Variants in SHC2 observed in about 807,000 individuals in gnomAD.
SHC2 encodes the protein SHC adaptor protein 2.
SHC2 carries 62 observed loss-of-function variants against 60.6 expected under a neutral mutation model. The ratio of observed to expected loss-of-function variants is 1.02; its 90% CI spans 0.83 to 1.26. The LOEUF (loss-of-function observed/expected upper bound fraction) is 1.26, where lower values mean the gene tolerates loss of function less well. Ranked by LOEUF, SHC2 falls within the 50% of genes most tolerant of loss-of-function variation. The probability of loss-of-function intolerance (pLI) is 0.00; values close to 1 mark genes in which losing one functional copy is unlikely to be tolerated. For synonymous variants in SHC2, 375 were observed against 372.4 expected (o/e 1.01, Z -0.08); for missense variants, 873 against 822.2 (o/e 1.06, Z -0.76).
chr19:460,960 G>C lies in SHC2; in HGVS notation c.37C>G (p.Pro13Ala). Residue 13 changes from proline to alanine, a missense_variant, in exon 1 of 13, where the codon CCC becomes GCC. By Grantham distance (27) the Pro-to-Ala change is conservative. Transcript: ENST00000264554. Reference protein sequence around the residue: ...QGPGGRAPPAPPAPPEPEAPT... With the variant: ...QGPGGRAPPAAPAPPEPEAPT... Reference sequence around the variant, plus strand: ...GCCTCGGGCTCGGGGGGCGCGGGGGGCGCCGGGGGCGCGCGCCCGCCCGGA... The same window carrying C: ...GCCTCGGGCTCGGGGGGCGCGGGGGCCGCCGGGGGCGCGCGCCCGCCCGGA... 4 of 984,462 alleles carry C rather than the reference G, an allele frequency of 4.1e-6. No homozygotes were observed. The South Asian group carries it at 1.4e-4, about 33-fold the overall frequency. 61.0% of individuals were successfully genotyped at this position (984,462 alleles called of 1,614,324 possible).
intron 12 of SHC2, among the ~76,000 whole-genome samples, chr19:418,134 G>A (rs918835247): frequency 2.6e-5 from 4 of 152,114 alleles, no homozygotes; most frequent in Non-Finnish European, 4.4e-5. Flanking sequence ...CCCGGGCCCC[G>A]CACCAAAAGT....
Position 425,204 on chromosome 19 carries a change from G to A in SHC2, c.1202C>T (p.Ala401Val), listed in dbSNP as rs773864356. 6 of 1,340,188 alleles carry A rather than the reference G, an allele frequency of 4.5e-6. No homozygotes were observed. The highest frequency in any genetic ancestry group is 5.6e-5 in the East Asian group (2 of 35,832). 83.0% of individuals were successfully genotyped at this position (1,340,188 alleles called of 1,614,324 possible). ...TAPPGDGYVQ[A>V]DARGPPDHEE... Reference sequence around the variant, plus strand: ...GTGGTCCGGGGGGCCCCGGGCGTCCGCCTGCACGTAGCCGTCCCCCGGTGG... The same window carrying A: ...GTGGTCCGGGGGGCCCCGGGCGTCCACCTGCACGTAGCCGTCCCCCGGTGG... The change falls in exon 10 of 13, where the codon GCG becomes GTG. Residue 401 changes from alanine to valine, a missense_variant. Transcript: ENST00000264554. The surrounding 1 kb of genome is among the most constrained non-coding windows in gnomAD (Gnocchi z 4.1).
rs527854558 is a variant in SHC2 at position 429,893 on chromosome 19, G to A, written c.1174+791C>T. Among the ~76,000 whole-genome samples the A allele has an allele frequency of 1.4e-3, 177 of 129,650 alleles. 3 individuals are homozygous for A. Among genetic ancestry groups the A allele is most frequent in the African/African-American group, 5.1e-3 (170 of 33,374 alleles). 85.1% of individuals were successfully genotyped at this position (129,650 alleles called of 152,430 possible). ...GGATGACGCAGTACCTATATCCAACGTGCAGAGAAACCTAATACCGTGTGG... is the reference window on the plus strand; with the variant it reads ...GGATGACGCAGTACCTATATCCAACATGCAGAGAAACCTAATACCGTGTGG... On this transcript the variant is annotated intron_variant, in intron 9 of 12. Coordinates refer to ENST00000264554, the MANE Select transcript of SHC2 (RefSeq NM_012435.3).
intron 1 of SHC2, among the ~76,000 whole-genome samples, chr19:459,871 C>T (rs1043269979): frequency 6.6e-6 from 1 of 152,190 alleles, no homozygotes; most frequent in East Asian, 1.9e-4. Flanking sequence ...GGCGCTGTCA[C>T]CCCTGCAGGT....
In SHC2 at chr19:424,715, G is replaced by C. The variant is rs1006430412; in HGVS notation, c.1309+382C>G. 3.3e-5 allele frequency among the ~76,000 whole-genome samples: 5 copies of C among 152,180 alleles called. No individual in the cohort carries two copies. The highest frequency in any genetic ancestry group is 5.9e-5 in the Non-Finnish European group (4 of 68,020). Reference sequence around the variant, plus strand: ...GGTGGGTTACCCCCGAGAGAGTGGAGCTTCTCACAGAGCGGGGGCCAGCGG... The same window carrying C: ...GGTGGGTTACCCCCGAGAGAGTGGACCTTCTCACAGAGCGGGGGCCAGCGG... On this transcript the variant is annotated intron_variant, in intron 10 of 12. Coordinates refer to ENST00000264554, the MANE Select transcript of SHC2 (RefSeq NM_012435.3). The surrounding 1 kb of genome is among the most constrained non-coding windows in gnomAD (Gnocchi z 4.5).
At position 421,080 on chromosome 19, in the gene SHC2, A is replaced by G. The variant is rs963287940; in HGVS notation, c.1620+1066T>C. On this transcript the variant is annotated intron_variant, in intron 11 of 12. Transcript: ENST00000264554. ...AAAGAAAGGAAAGGAAGAAAAGAAG[A>G]AAGAAAAGAGAGAGAGAGAAAAGAG... 2.7e-5 allele frequency among the ~76,000 whole-genome samples: 4 copies of G among 147,426 alleles called. No individual in the cohort carries two copies. In the Admixed American group the frequency reaches 2.7e-4, roughly 10 times the overall value.
chr19:451,636 C>T (rs1284473175), intron 1 of SHC2, among the ~76,000 whole-genome samples: 2 of 152,170 alleles, frequency 1.3e-5, no homozygotes, highest in South Asian at 2.1e-4. Flanking sequence ...CTCACTCTGT[C>T]GCCCAGGCTG....
At chr19:426,046 A>C (rs1214340056) in intron 9 of SHC2, among the ~76,000 whole-genome samples, 1 of 151,224 alleles carries the variant, frequency 6.6e-6, no homozygotes, top group East Asian at 1.9e-4. Flanking sequence ...AAAAAAAAAA[A>C]ACTATCCACA....
intron 1 of SHC2, among the ~76,000 whole-genome samples, chr19:452,645 G>T (rs1252938932): frequency 6.6e-6 from 1 of 152,188 alleles, no homozygotes; most frequent in Non-Finnish European, 1.5e-5. Flanking sequence ...TGCGTAGGTG[G>T]GTGTTACAGG....
chr19:453,706 C>T lies in SHC2; in HGVS notation c.468+6823G>A, dbSNP rs1488542078. The stretch of plus-strand genomic sequence containing the variant: ...TCTCCAGCACCCTCTCACAACTCCC[C>T]GCACCTCCCAGCTTAAGGGACCCGC... On this transcript the variant is annotated intron_variant, in intron 1 of 12. Transcript: ENST00000264554. This position sits in a 1 kb window ranked among gnomAD's most constrained non-coding sequence, Gnocchi z 6.3. Among the ~76,000 whole-genome samples the T allele has an allele frequency of 1.3e-5, 2 of 152,152 alleles. No homozygotes were observed. Among genetic ancestry groups the T allele is most frequent in the Admixed American group, 6.6e-5 (1 of 15,256 alleles).
Position 424,143 on chromosome 19 carries a change from C to G in SHC2, c.1309+954G>C, listed in dbSNP as rs1036953152. 7.2e-5 allele frequency among the ~76,000 whole-genome samples: 11 copies of G among 152,230 alleles called. No homozygotes were observed. Among genetic ancestry groups the G allele is most frequent in the African/African-American group, 2.7e-4 (11 of 41,456 alleles). On this transcript the variant is annotated intron_variant, in intron 10 of 12. Transcript: ENST00000264554. The surrounding 1 kb of genome is among the most constrained non-coding windows in gnomAD (Gnocchi z 4.5). ...ACCCGGCAGCTCAGAGCCAACACCTCTCCGTGCTGGAGAAGGGCAGAGTCG... is the reference window on the plus strand; with the variant it reads ...ACCCGGCAGCTCAGAGCCAACACCTGTCCGTGCTGGAGAAGGGCAGAGTCG...
rs1384400556 is a variant in SHC2, at chr19:422,550, C to T, written c.1310-94G>A. 3.8e-6 allele frequency: 4 copies of T among 1,044,090 alleles called. No homozygotes were observed. The highest frequency in any genetic ancestry group is 2.6e-5 in the East Asian group (1 of 38,192). 64.7% of individuals were successfully genotyped at this position (1,044,090 alleles called of 1,614,324 possible). A position where few individuals can be genotyped will look rare whatever the true frequency, so the allele number is the denominator to read the frequency against. ...GGGAGAAACGGGTTCCCCGGGGAGT[C>T]CCTCGTGCACCCGTCGGCCTGCGCT... On this transcript the variant is annotated intron_variant, in intron 10 of 12. Transcript: ENST00000264554. This position sits in a 1 kb window ranked among gnomAD's most constrained non-coding sequence, Gnocchi z 5.0.
intron 4 of SHC2, 39 bp from the exon 5 acceptor site, chr19:436,722 G>A (rs573842628): frequency 2.8e-5 from 45 of 1,581,840 alleles, no homozygotes; most frequent in Non-Finnish European, 3.3e-5. Context: ...TGGGGGCCCC[G>A]CTTCGAGGGC....
intron 1 of SHC2, among the ~76,000 whole-genome samples, chr19:448,858 A>G (rs1209295535): frequency 6.6e-6 from 1 of 152,168 alleles, no homozygotes; most frequent in Non-Finnish European, 1.5e-5. Context: ...AAAGGTGGTA[A>G]AAGAGACAGG....
intron 1 of SHC2, among the ~76,000 whole-genome samples, chr19:457,466 C>T (rs1415540656): frequency 6.6e-6 from 1 of 152,178 alleles, no homozygotes; most frequent in Non-Finnish European, 1.5e-5. Context: ...GGCAGCCGCC[C>T]AGCCTCCTGC....
intron 9 of SHC2, among the ~76,000 whole-genome samples, chr19:428,476 G>A (rs1239689277): frequency 6.6e-6 from 1 of 152,208 alleles, no homozygotes; most frequent in Non-Finnish European, 1.5e-5. Flanking sequence ...GCACAGTGTG[G>A]GAAGAACCCC....
Position 436,134 on chromosome 19 carries a change from C to T in SHC2, c.953+31G>A, listed in dbSNP as rs759270366. The T allele has an allele frequency of 4.4e-6, 7 of 1,607,288 alleles. No individual in the cohort carries two copies. The South Asian group carries it at 7.8e-5, about 18-fold the overall frequency. On this transcript the variant is annotated intron_variant, in intron 7 of 12. Transcript: ENST00000264554. ...ACCTGGGCAGGTCACTGGGGGTGTCCCCAGGGCACGGGGGAGGCAGCTCTG... is the reference window on the plus strand; with the variant it reads ...ACCTGGGCAGGTCACTGGGGGTGTCTCCAGGGCACGGGGGAGGCAGCTCTG...
At chr19:444,721 GTC>G in intron 1 of SHC2, among the ~76,000 whole-genome samples, 1 of 152,318 alleles carries the variant, frequency 6.6e-6, no homozygotes, top group East Asian at 1.9e-4. Context: ...TCACGTGTAA[GTC>G]TCTGCTGCGG....
intron 5 of SHC2, 94 bp downstream of exon 5, chr19:436,536 G>A (rs1211040723): frequency 6.3e-7 from 1 of 1,582,212 alleles, no homozygotes; most frequent in Admixed American, 1.7e-5. Context: ...TGTGGGCACA[G>A]GGTACGTTAG....
Sources: allele counts gnomAD v4.1 joint callset (sites outside exome capture counted in the v4.1 genomes callset), GRCh38; gene constraint gnomAD v4.1.1; non-coding constraint Gnocchi (gnomAD v3.1); transcripts MANE v1.5; gene names NCBI Gene and HGNC (gene_info 2026-07-23, HGNC 2026-07-21).